The following NUP35 variants were observed in gnomAD, a reference collection of about 807,000 sequenced individuals.
NUP35 encodes the protein nucleoporin NUP35.
NUP35 carries 25 observed loss-of-function variants against 41.5 expected under a neutral mutation model. The observed-to-expected ratio is 0.60, with a 90% CI of 0.44 to 0.84. The LOEUF (loss-of-function observed/expected upper bound fraction) is 0.84, where lower values mean the gene tolerates loss of function less well. Among genes scored for constraint, NUP35 ranks in the 40% least tolerant of loss-of-function variants. The pLI is 0.00. For missense variants in NUP35, 396 were observed against 396.6 expected, an observed-to-expected ratio of 1.00 and a Z score of 0.01; for synonymous variants, 149 against 130.7, an observed-to-expected ratio of 1.14 and a Z score of -0.96.
In NUP35 at chr2:183,155,021, A is replaced by G. The variant is rs186806975; in HGVS notation, c.540-2423A>G. On this transcript the variant is annotated intron_variant, in intron 5 of 8. Transcript: ENST00000295119. ...TCAGATCTTGTGAGACTTACTCACTATCATGAGAATAGCATAGGAAAGACC... is the reference window on the plus strand; with the variant it reads ...TCAGATCTTGTGAGACTTACTCACTGTCATGAGAATAGCATAGGAAAGACC... 2.5e-4 allele frequency among the ~76,000 whole-genome samples: 38 copies of G among 152,202 alleles called. 1 individual carries two copies. The East Asian group carries it at 7.0e-3, about 28-fold the overall frequency.
Position 183,158,198 on chromosome 2 carries a change from T to C in NUP35, c.610-85T>C, listed in dbSNP as rs1319574897. 2.0e-5 allele frequency: 21 copies of C among 1,035,108 alleles called. No homozygotes were observed. The Middle Eastern group carries it at 1.4e-3, about 68-fold the overall frequency. The allele number at this position is 1,035,108 out of a possible 1,614,324, so 64.1% of individuals were successfully genotyped here. Reference sequence around the variant, plus strand: ...ATACGGAATGGAAGTAAATTTATCTTACCATGTTCCTATTTTCTAGTAGAA... The same window carrying C: ...ATACGGAATGGAAGTAAATTTATCTCACCATGTTCCTATTTTCTAGTAGAA... On this transcript the variant is annotated intron_variant, in intron 6 of 8. Coordinates refer to ENST00000295119, the MANE Select transcript of NUP35 (RefSeq NM_138285.5).
intron 2 of NUP35, 120 bp from the exon 3 acceptor site, chr2:183,130,298 A>G: frequency 9.5e-7 from 1 of 1,051,202 alleles, no homozygotes; most frequent in Middle Eastern, 3.2e-4. Flanking sequence ...TGTTCAGCAT[A>G]TTAAAGTTTG....
At chr2:183,135,865 GAA>G (rs757396793) in intron 4 of NUP35, among the ~76,000 whole-genome samples, 9 of 149,034 alleles carry the variant, frequency 6.0e-5, no homozygotes, top group Admixed American at 6.7e-5. Flanking sequence ...CCTATCTCAA[GAA>G]AAAAGTAAAT....
chr2:183,128,908 A>G (rs1366788377), intron 2 of NUP35, among the ~76,000 whole-genome samples: 1 of 152,222 alleles, frequency 6.6e-6, no homozygotes, highest in African/African-American at 2.4e-5. Context: ...TTTCATTCTA[A>G]GATGCCTTTG....
In NUP35 at chr2:183,148,261, TA is replaced by T. The variant is rs1685347669; in HGVS notation, c.398-3244del. Reference sequence around the variant, plus strand: ...TTTGCTATTGTGAATAGTGCTGTGATAAACTTATGAGTCCAGCTATCTTTTT... The same window carrying T: ...TTTGCTATTGTGAATAGTGCTGTGATAACTTATGAGTCCAGCTATCTTTTT... On this transcript the variant is annotated intron_variant, in intron 4 of 8. Transcript: ENST00000295119. Among the ~76,000 whole-genome samples the T allele has an allele frequency of 3.9e-5, 6 of 152,388 alleles. No individual in the cohort carries two copies. In the South Asian group the frequency reaches 1.2e-3, roughly 32 times the overall value.
rs574327431 is a variant in NUP35, at chr2:183,140,233, AT to A, written c.397+6620del. On this transcript the variant is annotated intron_variant, in intron 4 of 8. Coordinates refer to ENST00000295119, the MANE Select transcript of NUP35 (RefSeq NM_138285.5). ...TCCTTTCTGGAGGCCCTAGAGGAGAATTTTTTTTTTCTTTTCTAAGTTGTAG... is the reference window on the plus strand; with the variant it reads ...TCCTTTCTGGAGGCCCTAGAGGAGAATTTTTTTTTCTTTTCTAAGTTGTAG... Among the ~76,000 whole-genome samples the A allele has an allele frequency of 4.0e-5, 6 of 150,224 alleles. No homozygotes were observed. The East Asian group carries it at 5.9e-4, about 15-fold the overall frequency.
Position 183,158,410 on chromosome 2 carries a change from A to G in NUP35, c.737A>G (p.Lys246Arg). 1 of 1,595,764 alleles carries G rather than the reference A, an allele frequency of 6.3e-7. No homozygotes were observed. The highest frequency in any genetic ancestry group is 8.5e-7 in the Non-Finnish European group (1 of 1,169,840). ...ATTGGTGTAAAACCATGTATTGACAAAGTAAGTTATTGGTGATGTAGGCAA... is the reference window on the plus strand; with the variant it reads ...ATTGGTGTAAAACCATGTATTGACAGAGTAAGTTATTGGTGATGTAGGCAA... ...IMIGVKPCID[K>R]SVMESSDRCA... Residue 246 changes from lysine to arginine, a missense_variant and splice_region_variant, in exon 7 of 9, where the codon AAA becomes AGA. By Grantham distance (26) the Lys-to-Arg change is conservative. Transcript: ENST00000295119.
At chr2:183,132,340 C>G (rs1159286583) in intron 3 of NUP35, among the ~76,000 whole-genome samples, 1 of 151,912 alleles carries the variant, frequency 6.6e-6, no homozygotes, top group African/African-American at 2.4e-5. Context: ...ATTGCTTGAA[C>G]CCATGAGTTT....
At chr2:183,149,867 C>G (rs74417527) in intron 4 of NUP35, among the ~76,000 whole-genome samples, 2 of 152,062 alleles carry the variant, frequency 1.3e-5, no homozygotes, top group African/African-American at 2.4e-5. Flanking sequence ...AAATTACACT[C>G]GTAAAGTGTA....
rs557386597 is a variant in NUP35, at chr2:183,127,427, CTT to C, written c.41-859_41-858del. Among the ~76,000 whole-genome samples, 12 of 152,074 alleles carry C rather than the reference CTT, an allele frequency of 7.9e-5. No homozygotes were observed. In the South Asian group the frequency reaches 1.2e-3, roughly 16 times the overall value. On this transcript the variant is annotated intron_variant, in intron 1 of 8. Coordinates refer to ENST00000295119, the MANE Select transcript of NUP35 (RefSeq NM_138285.5). ...GTCACCATGCCCAGCTGTGATTATT[CTT>C]GACTTAAACTAATGATTAAGAAAAA...
chr2:183,150,418 G>A (rs11891244), intron 4 of NUP35, among the ~76,000 whole-genome samples: 244 of 152,162 alleles, frequency 1.6e-3, no homozygotes, highest in African/African-American at 5.5e-3. Flanking sequence ...GCCTTCTTGC[G>A]TTCATCTAAG....
At chr2:183,155,088 A>G (rs1381011153) in intron 5 of NUP35, among the ~76,000 whole-genome samples, 1 of 152,134 alleles carries the variant, frequency 6.6e-6, no homozygotes, top group African/African-American at 2.4e-5. Flanking sequence ...CCCTCTCACA[A>G]CACATGGGAA....
intron 4 of NUP35, among the ~76,000 whole-genome samples, chr2:183,135,781 T>TTG (rs944516278): frequency 5.3e-5 from 8 of 152,084 alleles, no homozygotes; most frequent in African/African-American, 1.9e-4. Context: ...GGAGGATTGC[T>TTG]TGAGCCCAGG....
chr2:183,127,988 G>A (rs1216234425), intron 1 of NUP35, among the ~76,000 whole-genome samples: 3 of 151,756 alleles, frequency 2.0e-5, no homozygotes, highest in African/African-American at 7.3e-5. Context: ...AGGGAGGATC[G>A]CTTGAGCCTA....
At chr2:183,139,033 T>G (rs1684991541) in intron 4 of NUP35, among the ~76,000 whole-genome samples, 1 of 152,098 alleles carries the variant, frequency 6.6e-6, no homozygotes, top group Non-Finnish European at 1.5e-5. Context: ...AGACAGAGAT[T>G]TTTCCTGTGT....
intron 1 of NUP35, 104 bp from the exon 2 acceptor site, chr2:183,128,183 G>T (rs1684565492): frequency 1.3e-6 from 1 of 793,172 alleles, no homozygotes. Flanking sequence ...TAAAAGTTTT[G>T]ATTAAATTTG....
chr2:183,123,997 T>C (rs1487894078), upstream of NUP35, among the ~76,000 whole-genome samples: 1 of 152,154 alleles, frequency 6.6e-6, no homozygotes, highest in Non-Finnish European at 1.5e-5. Context: ...GAAAACATGC[T>C]TTGAGGAAAA....
intron 2 of NUP35, among the ~76,000 whole-genome samples, chr2:183,129,653 C>A (rs1312679092): frequency 6.6e-6 from 1 of 152,162 alleles, no homozygotes; most frequent in Non-Finnish European, 1.5e-5. Flanking sequence ...GTATCCCCAT[C>A]TTTAAAAAGA....
chr2:183,124,451 C>A lies in NUP35; in HGVS notation c.-7C>A. 6.2e-7 allele frequency: 1 copy of A among 1,614,138 alleles called. No homozygotes were observed. On this transcript the variant is annotated 5_prime_UTR_variant, in exon 1 of 9. Transcript: ENST00000295119. Reference sequence around the variant, plus strand: ...AGGTACTGGTTTTAAGTGTAGTTGCCGACGCAATGGCAGCCTTTGCAGTGG... The same window carrying A: ...AGGTACTGGTTTTAAGTGTAGTTGCAGACGCAATGGCAGCCTTTGCAGTGG...
Sources: gnomAD v4.1 joint callset for allele counts (sites outside exome capture counted in the v4.1 genomes callset) on GRCh38, gnomAD v4.1.1 for gene constraint, MANE v1.5 for transcripts, NCBI Gene and HGNC (gene_info 2026-07-23, HGNC 2026-07-21) for gene names.